The following FGD4 variants were observed in gnomAD, a reference collection of about 807,000 sequenced individuals.
FGD4 encodes the protein FYVE, RhoGEF and PH domain-containing protein 4.
Under a neutral mutation model 102.0 loss-of-function variants are expected in FGD4, and 42 were observed. That is an observed-to-expected ratio of 0.41 (90% CI 0.32 to 0.53). The LOEUF (loss-of-function observed/expected upper bound fraction) is 0.53, where lower values mean the gene tolerates loss of function less well. Among genes scored for constraint, FGD4 ranks in the 20% least tolerant of loss-of-function variants. The pLI is 0.21. For missense variants in FGD4, 902 were observed against 1,078.2 expected (o/e 0.84, Z 2.29); for synonymous variants, 380 against 375.7 (o/e 1.01, Z -0.13).
intron 1 of FGD4, among the ~76,000 whole-genome samples, chr12:32,513,756 G>C (rs1939621210): frequency 6.6e-6 from 1 of 152,210 alleles, no homozygotes; most frequent in South Asian, 2.1e-4. Context: ...TGGATAGTTG[G>C]CTAGATGATG....
chr12:32,498,185 T>TAGACAG (rs1937938934), intron 1 of FGD4, among the ~76,000 whole-genome samples: 1 of 152,220 alleles, frequency 6.6e-6, no homozygotes, highest in Admixed American at 6.5e-5. Flanking sequence ...CTAGGCGCTT[T>TAGACAG]GGGTATCACT....
rs1565736625 is a variant in FGD4, at chr12:32,432,050, C to CT, written c.166+32091_166+32092insT. Among the ~76,000 whole-genome samples the CT allele has an allele frequency of 1.5e-3, 175 of 117,556 alleles. 1 individual carries two copies. Among genetic ancestry groups the CT allele is most frequent in the African/African-American group, 5.8e-3 (167 of 28,996 alleles). The allele number at this position is 117,556 out of a possible 152,430, so 77.1% of individuals were successfully genotyped here. On this transcript the variant is annotated intron_variant, in intron 1 of 16. Transcript: ENST00000534526. ...CAGTGGCTCATGCCTGTAATCCTAG[C>CT]ATTTTTTTTTTTTTTTTTTTTTTTT...
chr12:32,578,830 T>TAA lies in FGD4; in HGVS notation c.503+2393_503+2394dup, dbSNP rs552651115. Among the ~76,000 whole-genome samples, 1,276 of 142,234 alleles carry TAA rather than the reference T, an allele frequency of 9.0e-3. 19 individuals carry two copies. Among genetic ancestry groups the TAA allele is most frequent in the African/African-American group, 0.03 (1,178 of 39,040 alleles). 93.3% of individuals were successfully genotyped at this position (142,234 alleles called of 152,430 possible). ...TGGGCGACGGAGTGGGACCCTGCCTTAAAAAAAAAAAAACATCGTAGCACT... is the reference window on the plus strand; with the variant it reads ...TGGGCGACGGAGTGGGACCCTGCCTTAAAAAAAAAAAAAAACATCGTAGCACT... On this transcript the variant is annotated intron_variant, in intron 3 of 16. Coordinates refer to ENST00000534526, the MANE Select transcript of FGD4 (RefSeq NM_001370298.3).
chr12:32,434,944 CTTTTCT>C (rs1274871770), intron 1 of FGD4, among the ~76,000 whole-genome samples: 1 of 125,216 alleles, frequency 8.0e-6, no homozygotes, highest in Non-Finnish European at 1.7e-5. Context: ...TTCTTTCCTT[CTTTTCT>C]TTTTTTTTTC....
chr12:32,625,875 A>G, intron 14 of FGD4, 96 bp downstream of exon 14: 3 of 1,529,636 alleles, frequency 2.0e-6, no homozygotes, highest in Non-Finnish European at 2.7e-6. Flanking sequence ...CTTTCAACAA[A>G]TCACTTAATA....
At position 32,594,917 on chromosome 12, in the gene FGD4, G is replaced by A. The variant is rs550263881; in HGVS notation, c.1012-3580G>A. 2.6e-5 allele frequency among the ~76,000 whole-genome samples: 4 copies of A among 152,026 alleles called. No homozygotes were observed. The East Asian group carries it at 7.8e-4, about 29-fold the overall frequency. On this transcript the variant is annotated intron_variant, in intron 4 of 16. Coordinates refer to ENST00000534526, the MANE Select transcript of FGD4 (RefSeq NM_001370298.3). ...ATGGTGGCACGCACGTGTAGTGTCAGCTGCTTGGGGGGCTGAGGCAGGAGA... is the reference window on the plus strand; with the variant it reads ...ATGGTGGCACGCACGTGTAGTGTCAACTGCTTGGGGGGCTGAGGCAGGAGA...
rs1950615426 is a variant in FGD4 at position 32,633,570 on chromosome 12, G to A, written c.2194G>A (p.Asp732Asn). 4 of 1,613,512 alleles carry A rather than the reference G, an allele frequency of 2.5e-6. No homozygotes were observed. The highest frequency in any genetic ancestry group is 3.4e-6 in the Non-Finnish European group (4 of 1,179,774). ...CGYVVCWKCS[D>N]YKAQLEYDGG... ...TAAGGTGGTTTGTTGGAAATGCTCC[G>A]ACTACAAAGCTCAACTTGAATATGA... Residue 732 changes from aspartate (D) to asparagine (N), a missense_variant, in exon 15 of 17, where the codon GAC becomes AAC. Asp to Asn is a conservative substitution (Grantham distance 23). This residue lies in a region of FGD4 where 459 missense variants were observed against 619.0 expected (regional missense o/e 0.74). Transcript: ENST00000534526.
chr12:32,476,756 G>C (rs555064328), intron 1 of FGD4, among the ~76,000 whole-genome samples: 7 of 152,274 alleles, frequency 4.6e-5, no homozygotes, highest in Admixed American at 2.6e-4. Flanking sequence ...TAAAGATTAA[G>C]CTCGCATTTG....
At chr12:32,573,299 G>A (rs1945836303) in intron 2 of FGD4, among the ~76,000 whole-genome samples, 1 of 152,182 alleles carries the variant, frequency 6.6e-6, no homozygotes, top group South Asian at 2.1e-4. Flanking sequence ...GTTTCACCGT[G>A]TTAGCCAGGT....
chr12:32,495,021 CA>C (rs1356500496), intron 1 of FGD4, among the ~76,000 whole-genome samples: 1 of 152,122 alleles, frequency 6.6e-6, no homozygotes, highest in African/African-American at 2.4e-5. Context: ...GTCAGGAAGT[CA>C]ATTGTTTGTC....
intron 1 of FGD4, among the ~76,000 whole-genome samples, chr12:32,563,599 G>C (rs1465615207): frequency 6.6e-6 from 1 of 151,912 alleles, no homozygotes; most frequent in African/African-American, 2.4e-5. Flanking sequence ...CAGACGGGGT[G>C]GCGGCCGGGC....
intron 5 of FGD4, 85 bp downstream of exon 5, chr12:32,598,671 A>G (rs1487665732): frequency 2.6e-6 from 3 of 1,157,268 alleles, no homozygotes; most frequent in South Asian, 2.5e-5. Context: ...TAGAAACTGC[A>G]TGAAGGAAGG....
chr12:32,624,434 CAA>C lies in FGD4; in HGVS notation c.1937_1938del (p.Lys646ArgfsTer19). 1 of 1,601,420 alleles carries C rather than the reference CAA, an allele frequency of 6.2e-7. No homozygotes were observed. Among genetic ancestry groups the C allele is most frequent in the Non-Finnish European group, 8.5e-7 (1 of 1,170,472 alleles). ...TGTTTTATTTTAGTTCTGCGCAAGACAAAGAAGAATGGATCAAGGTAAGCCTC... is the reference window on the plus strand; with the variant it reads ...TGTTTTATTTTAGTTCTGCGCAAGACAGAAGAATGGATCAAGGTAAGCCTC... ...LELQASSAQDKEEWIKALQET... is the reference protein window; with the variant it reads ...LELQASSAQDXEEWIKALQET... On this transcript the variant is annotated frameshift_variant, in exon 12 of 17. Transcript: ENST00000534526. LOFTEE classifies it high-confidence loss of function.
Position 32,552,912 on chromosome 12 carries a change from G to A in FGD4, c.167-11225G>A, listed in dbSNP as rs371660647. Among the ~76,000 whole-genome samples, 586 of 151,588 alleles carry A rather than the reference G, an allele frequency of 3.9e-3. 7 individuals carry two copies. The highest frequency in any genetic ancestry group is 0.013 in the African/African-American group (557 of 41,320). ...CCTACCTCAGCCTCTTGAGTAGCTG[G>A]GATTACAGGCATGCGCCACCACGCC... On this transcript the variant is annotated intron_variant, in intron 1 of 16. Coordinates refer to ENST00000534526, the MANE Select transcript of FGD4 (RefSeq NM_001370298.3).
chr12:32,480,741 C>T (rs58432006), intron 1 of FGD4, among the ~76,000 whole-genome samples: 26,463 of 151,088 alleles, frequency 0.18, 2,702 homozygotes, highest in Non-Finnish European at 0.24. Context: ...CCTCGTGATC[C>T]GCCCTCCTTG....
At chr12:32,526,332 C>T (rs956350891) in intron 1 of FGD4, among the ~76,000 whole-genome samples, 13 of 152,172 alleles carry the variant, frequency 8.5e-5, no homozygotes, top group Non-Finnish European at 2.9e-5. Context: ...CTGTATCTAG[C>T]TCAAGGTTTG....
At chr12:32,608,366 C>G (rs958427774) in intron 8 of FGD4, among the ~76,000 whole-genome samples, 7 of 152,170 alleles carry the variant, frequency 4.6e-5, no homozygotes, top group African/African-American at 4.8e-5. Context: ...TTAAAGACAT[C>G]TAGAATAGCA....
chr12:32,607,843 C>A, intron 7 of FGD4, 114 bp from the exon 8 acceptor site: 1 of 1,099,408 alleles, frequency 9.1e-7, no homozygotes, highest in Non-Finnish European at 1.4e-6. Flanking sequence ...AGGTGATGGA[C>A]AGTCACACTT....
At chr12:32,631,565 C>A (rs921524216) in intron 14 of FGD4, among the ~76,000 whole-genome samples, 1 of 141,746 alleles carries the variant, frequency 7.1e-6, no homozygotes, top group East Asian at 2.1e-4. Context: ...AGTGCACTGG[C>A]GCGATCTTGG....
Sources: gnomAD v4.1 joint callset for allele counts (sites outside exome capture counted in the v4.1 genomes callset) on GRCh38, gnomAD v4.1.1 for gene constraint, gnomAD v4.1.1 regional missense constraint, MANE v1.5 for transcripts, NCBI Gene and HGNC (gene_info 2026-07-23, HGNC 2026-07-21) for gene names.